CDH8: variants seen among roughly 807,000 people sequenced by gnomAD.
The protein encoded by CDH8 is cadherin-8.
CDH8 carries 17 observed loss-of-function variants against 68.1 expected under a neutral mutation model. The ratio of observed to expected loss-of-function variants is 0.25; its 90% CI spans 0.17 to 0.37. CDH8 has a LOEUF of 0.37. CDH8 is among the 10% of genes least tolerant of loss of function. The pLI, the probability that CDH8 is intolerant of heterozygous loss-of-function variation, is 1.00. For synonymous variants in CDH8, 372 were observed against 365.1 expected (o/e 1.02, Z -0.21); for missense variants, 763 against 999.3 (o/e 0.76, Z 3.19).
At chr16:61,960,015 TACACAC>T (rs1162149722) in intron 2 of CDH8, among the ~76,000 whole-genome samples, 7 of 73,208 alleles carry the variant, frequency 9.6e-5, no homozygotes, top group South Asian at 4.2e-4. Flanking sequence ...TATATATATA[TACACAC>T]ATACACACAC....
At chr16:61,773,681 G>C (rs1268400163) in intron 8 of CDH8, among the ~76,000 whole-genome samples, 2 of 152,066 alleles carry the variant, frequency 1.3e-5, no homozygotes, top group Non-Finnish European at 2.9e-5. Flanking sequence ...ACAGTGCCTG[G>C]CCCAAAGATG....
At chr16:61,757,741 T>A (rs1960359881) in intron 8 of CDH8, among the ~76,000 whole-genome samples, 1 of 152,078 alleles carries the variant, frequency 6.6e-6, no homozygotes, top group African/African-American at 2.4e-5. Context: ...CCACCACCAA[T>A]TTGCCAGCCA....
intron 2 of CDH8, among the ~76,000 whole-genome samples, chr16:61,953,197 G>C (rs1964924210): frequency 6.6e-6 from 1 of 152,126 alleles, no homozygotes; most frequent in Non-Finnish European, 1.5e-5. Flanking sequence ...CCCAGATCTT[G>C]GACTTCCCAG....
intron 9 of CDH8, among the ~76,000 whole-genome samples, chr16:61,720,577 A>G (rs774325558): frequency 6.0e-5 from 9 of 150,996 alleles, no homozygotes; most frequent in Non-Finnish European, 1.2e-4. Context: ...CAGTCAATAC[A>G]TACAGAACTG....
chr16:61,985,211 T>A (rs571923106), intron 2 of CDH8, among the ~76,000 whole-genome samples: 2 of 152,276 alleles, frequency 1.3e-5, no homozygotes, highest in Non-Finnish European at 2.9e-5. Context: ...TCAGAAATAT[T>A]ATTTGGGAGT....
chr16:61,812,028 G>T (rs960217187), intron 7 of CDH8, among the ~76,000 whole-genome samples: 1 of 151,974 alleles, frequency 6.6e-6, no homozygotes, highest in Non-Finnish European at 1.5e-5. Context: ...AATCTTATAA[G>T]ATAGTGGATC....
intron 2 of CDH8, among the ~76,000 whole-genome samples, chr16:62,015,546 GAGAA>G (rs1299394959): frequency 1.3e-5 from 2 of 152,124 alleles, no homozygotes; most frequent in African/African-American, 4.8e-5. Flanking sequence ...AGAATTAAAA[GAGAA>G]AGAAGCCAGA....
intron 7 of CDH8, among the ~76,000 whole-genome samples, chr16:61,813,000 T>C (rs1251573109): frequency 2.0e-5 from 3 of 152,326 alleles, no homozygotes; most frequent in South Asian, 4.1e-4. Flanking sequence ...GTCGGATTCA[T>C]CAAATAAAAA....
At chr16:61,727,682 T>G (rs1356977026) in intron 8 of CDH8, among the ~76,000 whole-genome samples, 2 of 151,066 alleles carry the variant, frequency 1.3e-5, no homozygotes, top group African/African-American at 4.8e-5. Context: ...GAAGTGGTCC[T>G]TAACAATGAT....
chr16:61,961,662 G>A (rs371142298), intron 2 of CDH8, among the ~76,000 whole-genome samples: 1 of 152,270 alleles, frequency 6.6e-6, no homozygotes. Context: ...ACCCACAACT[G>A]TAGCTCTCTT....
At chr16:61,974,597 A>G (rs1965403625) in intron 2 of CDH8, among the ~76,000 whole-genome samples, 1 of 152,190 alleles carries the variant, frequency 6.6e-6, no homozygotes, top group Admixed American at 6.6e-5. Context: ...AATTGTAGAT[A>G]TCCTTAGATT....
At chr16:61,769,873 G>A (rs773090714) in intron 8 of CDH8, among the ~76,000 whole-genome samples, 3 of 151,882 alleles carry the variant, frequency 2.0e-5, no homozygotes, top group African/African-American at 7.2e-5. Context: ...TGTAAGCAAT[G>A]TGATTCCTGG....
At chr16:61,682,571 A>G (rs1306702350) in intron 10 of CDH8, among the ~76,000 whole-genome samples, 4 of 151,860 alleles carry the variant, frequency 2.6e-5, no homozygotes, top group Non-Finnish European at 4.4e-5. Context: ...AGTATCTCCA[A>G]TTAAATTCTC....
intron 2 of CDH8, among the ~76,000 whole-genome samples, chr16:61,983,713 A>G (rs919201129): frequency 1.3e-5 from 2 of 152,148 alleles, no homozygotes; most frequent in African/African-American, 2.4e-5. Flanking sequence ...ACAAAATACC[A>G]TAGAAAGGAT....
At chr16:61,950,691 C>G (rs1406984788) in intron 2 of CDH8, among the ~76,000 whole-genome samples, 1 of 152,210 alleles carries the variant, frequency 6.6e-6, no homozygotes, top group East Asian at 1.9e-4. Flanking sequence ...GTCATTAAAA[C>G]CGCATATTCA....
intron 10 of CDH8, among the ~76,000 whole-genome samples, chr16:61,699,982 T>C (rs1964392589): frequency 6.6e-6 from 1 of 152,228 alleles, no homozygotes; most frequent in Non-Finnish European, 1.5e-5. Flanking sequence ...GACTCTAAGA[T>C]ATATATATTT....
intron 10 of CDH8, among the ~76,000 whole-genome samples, chr16:61,681,555 G>GT (rs56758725): frequency 0.13 from 18,897 of 145,376 alleles, 1,240 homozygotes; most frequent in African/African-American, 0.17. Context: ...GAGCAAGAAG[G>GT]TTTTTTTTTT....
At chr16:61,911,294 G>C (rs1964157685) in intron 2 of CDH8, among the ~76,000 whole-genome samples, 1 of 152,054 alleles carries the variant, frequency 6.6e-6, no homozygotes, top group African/African-American at 2.4e-5. Context: ...GAAGGGCATA[G>C]TAATAAAGCG....
At chr16:61,926,814 G>A (rs957931149) in intron 2 of CDH8, among the ~76,000 whole-genome samples, 22 of 152,122 alleles carry the variant, frequency 1.4e-4, no homozygotes, top group African/African-American at 5.1e-4. Flanking sequence ...CTAATGGCAA[G>A]GTTTGGGAGG....
Sources: allele counts gnomAD v4.1 joint callset (sites outside exome capture counted in the v4.1 genomes callset), GRCh38; gene constraint gnomAD v4.1.1; transcripts MANE v1.5; gene names NCBI Gene and HGNC (gene_info 2026-07-23, HGNC 2026-07-21).